Variants in AFG1L observed in about 807,000 individuals in gnomAD.
The protein encoded by AFG1L is AFG1 like ATPase.
A neutral mutation model predicts 62.2 loss-of-function variants in AFG1L; 53 were observed. That is an observed-to-expected ratio of 0.85 (90% CI 0.68 to 1.07). The LOEUF (loss-of-function observed/expected upper bound fraction) is 1.07, where lower values mean the gene tolerates loss of function less well. Ranked by LOEUF, AFG1L falls within the 50% of genes least tolerant of loss-of-function variation. The pLI, the probability that AFG1L is intolerant of heterozygous loss-of-function variation, is 0.00. For missense variants in AFG1L, 555 were observed against 590.5 expected (o/e 0.94, Z 0.62); for synonymous variants, 228 against 210.3 (o/e 1.08, Z -0.73).
At chr6:108,324,915 A>G (rs1284354376) in intron 2 of AFG1L, among the ~76,000 whole-genome samples, 2 of 151,248 alleles carry the variant, frequency 1.3e-5, no homozygotes, top group Non-Finnish European at 2.9e-5. Flanking sequence ...CTGGTCTTGA[A>G]CTCCTGACCT....
At chr6:108,331,536 T>C (rs1308045253) in intron 2 of AFG1L, among the ~76,000 whole-genome samples, 2 of 152,226 alleles carry the variant, frequency 1.3e-5, no homozygotes, top group East Asian at 1.9e-4. Context: ...GAAGATGTTA[T>C]GAACAGATGA....
At chr6:108,477,149 T>G (rs1390413279) in intron 9 of AFG1L, 43 bp from the exon 10 acceptor site, 1 of 1,294,838 alleles carries the variant, frequency 7.7e-7, no homozygotes, top group Non-Finnish European at 1.1e-6. Context: ...AATTTTATAG[T>G]AATTATCCAG....
Position 108,498,425 on chromosome 6 carries a change from G to A in AFG1L, c.1063-11787G>A, listed in dbSNP as rs1001298517. On this transcript the variant is annotated intron_variant, in intron 10 of 12. Transcript: ENST00000368977. ...CTAGAGAATTTTTTAGTTAATCCAA[G>A]TAAACATCTTTAAATAACCCAAACA... 3.3e-5 allele frequency among the ~76,000 whole-genome samples: 5 copies of A among 152,230 alleles called. No homozygotes were observed. In the East Asian group the frequency reaches 9.7e-4, roughly 29 times the overall value.
chr6:108,320,058 A>C (rs1324172127), intron 1 of AFG1L, among the ~76,000 whole-genome samples: 1 of 152,178 alleles, frequency 6.6e-6, no homozygotes, highest in African/African-American at 2.4e-5. Context: ...AGGTACAGCT[A>C]TTAAAAAATA....
intron 1 of AFG1L, among the ~76,000 whole-genome samples, chr6:108,309,673 A>G (rs150864069): frequency 0.019 from 2,838 of 152,292 alleles, 46 homozygotes; most frequent in Middle Eastern, 0.071. Context: ...CTTTTTCTCA[A>G]CTGTAGGTTT....
At chr6:108,336,935 T>G (rs1404471016) in intron 2 of AFG1L, among the ~76,000 whole-genome samples, 1 of 152,196 alleles carries the variant, frequency 6.6e-6, no homozygotes, top group Non-Finnish European at 1.5e-5. Flanking sequence ...CATCATCACA[T>G]TCCAGAAATT....
intron 1 of AFG1L, among the ~76,000 whole-genome samples, chr6:108,301,508 G>A (rs1406533514): frequency 6.6e-6 from 1 of 152,204 alleles, no homozygotes; most frequent in Admixed American, 6.5e-5. Flanking sequence ...CTTGTATTCA[G>A]GGTAGAGAGG....
Position 108,428,984 on chromosome 6 carries a change from C to T in AFG1L, c.808-18230C>T, listed in dbSNP as rs192841938. Among the ~76,000 whole-genome samples the T allele has an allele frequency of 3.3e-5, 5 of 152,160 alleles. No homozygotes were observed. In the East Asian group the frequency reaches 9.6e-4, roughly 29 times the overall value. On this transcript the variant is annotated intron_variant, in intron 7 of 12. Transcript: ENST00000368977. ...CTGTACTTGCTTTTGGGGTCTTAGT[C>T]ATAAATTCTTTCCCTATGCCAATGT...
At chr6:108,350,716 G>A (rs192741798) in intron 3 of AFG1L, among the ~76,000 whole-genome samples, 34 of 152,346 alleles carry the variant, frequency 2.2e-4, no homozygotes, top group African/African-American at 8.2e-4. Context: ...GGTGATGGCA[G>A]AGTTAATGAT....
At chr6:108,490,303 T>C (rs1229097477) in intron 10 of AFG1L, among the ~76,000 whole-genome samples, 1 of 152,204 alleles carries the variant, frequency 6.6e-6, no homozygotes, top group Non-Finnish European at 1.5e-5. Flanking sequence ...GAGGTTGTAG[T>C]GAGCCGAAAT....
chr6:108,447,116 A>T (rs1391391816), intron 7 of AFG1L, 98 bp from the exon 8 acceptor site: 2 of 505,330 alleles, frequency 4.0e-6, no homozygotes, highest in African/African-American at 3.9e-5. Flanking sequence ...TTTTTGAGCA[A>T]ACATTTGAAA....
chr6:108,497,442 C>T (rs1042192536), intron 10 of AFG1L, among the ~76,000 whole-genome samples: 2 of 151,814 alleles, frequency 1.3e-5, no homozygotes, highest in Non-Finnish European at 2.9e-5. Context: ...TGTTGCAATG[C>T]TGTTACAATT....
At chr6:108,508,029 T>C (rs971652424) in intron 10 of AFG1L, among the ~76,000 whole-genome samples, 9 of 152,234 alleles carry the variant, frequency 5.9e-5, no homozygotes, top group African/African-American at 2.2e-4. Context: ...TGAATACTAA[T>C]GTATGCCCCA....
chr6:108,317,248 G>T (rs907965032), intron 1 of AFG1L, among the ~76,000 whole-genome samples: 1 of 152,160 alleles, frequency 6.6e-6, no homozygotes, highest in African/African-American at 2.4e-5. Context: ...CTGATGCAAG[G>T]CAGTCCCACA....
intron 10 of AFG1L, among the ~76,000 whole-genome samples, chr6:108,497,819 TC>T (rs747223504): frequency 1.4e-4 from 21 of 152,346 alleles, no homozygotes; most frequent in Non-Finnish European, 2.5e-4. Context: ...TTAAAAGCTT[TC>T]ACTAGTAAAT....
chr6:108,515,126 C>G (rs1774824596), intron 11 of AFG1L, among the ~76,000 whole-genome samples: 1 of 152,164 alleles, frequency 6.6e-6, no homozygotes, highest in Admixed American at 6.5e-5. Flanking sequence ...AGGAATTGAA[C>G]TCAGCTCTGC....
At chr6:108,386,879 C>A (rs745746270) in intron 6 of AFG1L, among the ~76,000 whole-genome samples, 1 of 151,230 alleles carries the variant, frequency 6.6e-6, no homozygotes, top group Non-Finnish European at 1.5e-5. Context: ...AATCATAGAA[C>A]AACAACTAAA....
In AFG1L at chr6:108,519,671, C is replaced by T. The variant is rs201322464; in HGVS notation, c.1204-26C>T. On this transcript the variant is annotated intron_variant, in intron 11 of 12. Transcript: ENST00000368977. ...AACTTGTGAAATGTAAAGAGTAACACATTTACCCATTTTCTTCTATTTCAG... is the reference window on the plus strand; with the variant it reads ...AACTTGTGAAATGTAAAGAGTAACATATTTACCCATTTTCTTCTATTTCAG... 2.0e-5 allele frequency: 24 copies of T among 1,210,634 alleles called. No individual in the cohort carries two copies. The East Asian group carries it at 4.9e-4, about 25-fold the overall frequency. The allele number at this position is 1,210,634 out of a possible 1,614,324, so 75.0% of individuals were successfully genotyped here.
At chr6:108,491,886 T>G (rs1773789785) in intron 10 of AFG1L, among the ~76,000 whole-genome samples, 1 of 152,184 alleles carries the variant, frequency 6.6e-6, no homozygotes, top group South Asian at 2.1e-4. Context: ...CCACTTCTTT[T>G]CCAGCTCTGA....
Sources: allele counts gnomAD v4.1 joint callset (sites outside exome capture counted in the v4.1 genomes callset), GRCh38; gene constraint gnomAD v4.1.1; transcripts MANE v1.5; gene names NCBI Gene and HGNC (gene_info 2026-07-23, HGNC 2026-07-21).